The following C2 variants were observed in gnomAD, a reference collection of about 807,000 sequenced individuals.
The protein encoded by C2 is C3/C5 convertase.
In C2, 64 loss-of-function variants were observed where a neutral mutation model predicts 85.2. The observed-to-expected ratio is 0.75, with a 90% CI of 0.61 to 0.92. The LOEUF (loss-of-function observed/expected upper bound fraction) is 0.92, where lower values mean the gene tolerates loss of function less well. C2 is among the 40% of genes least tolerant of loss of function. The pLI, the probability that C2 is intolerant of heterozygous loss-of-function variation, is 0.00. For synonymous variants in C2, 311 were observed against 370.8 expected, an observed-to-expected ratio of 0.84 and a Z score of 1.85; for missense variants, 820 against 971.6, an observed-to-expected ratio of 0.84 and a Z score of 2.07.
At chr6:31,932,128 C>A (rs1257894265) in intron 3 of C2, among the ~76,000 whole-genome samples, 2 of 129,976 alleles carry the variant, frequency 1.5e-5, no homozygotes, top group Admixed American at 1.5e-4. Context: ...CTGACCCCCC[C>A]ACCTCCCTCC....
chr6:31,927,895 T>C lies in C2; in HGVS notation c.47-60T>C. The C allele has an allele frequency of 6.3e-7, 1 of 1,594,280 alleles. No individual in the cohort carries two copies. Among genetic ancestry groups the C allele is most frequent in the South Asian group, 1.1e-5 (1 of 90,724 alleles). ...TGTGAAACAGTCTCTTTTGCTTTCC[T>C]TTTCTCATCTGTGTCTTCCTTCTTT... On this transcript the variant is annotated intron_variant, in intron 1 of 17. Transcript: ENST00000299367. This position sits in a 1 kb window ranked among gnomAD's most constrained non-coding sequence, Gnocchi z 4.7.
chr6:31,939,201 TAGA>T (rs1562607118), intron 8 of C2, 27 bp from the exon 9 acceptor site: 2 of 1,498,714 alleles, frequency 1.3e-6, no homozygotes, highest in African/African-American at 1.4e-5. Flanking sequence ...TGATATTACC[TAGA>T]AGAATTCTTT....
At chr6:31,905,439 T>TA (rs5875339) in intron 1 of C2, among the ~76,000 whole-genome samples, 2 of 149,824 alleles carry the variant, frequency 1.3e-5, no homozygotes, top group South Asian at 2.1e-4. Context: ...CCCTGTCTTT[T>TA]AAAAAAAAAA....
intron 3 of C2, among the ~76,000 whole-genome samples, chr6:31,932,045 T>C: frequency 1.6e-5 from 2 of 124,490 alleles, no homozygotes; most frequent in South Asian, 2.7e-4. Context: ...GAGGGGCTCC[T>C]CACTTCCCAG....
chr6:31,909,907 G>A (rs1471145573), intron 1 of C2, among the ~76,000 whole-genome samples: 4 of 150,836 alleles, frequency 2.7e-5, no homozygotes, highest in African/African-American at 4.9e-5. Context: ...TTGAGACAGC[G>A]TCTCACTCTG....
At position 31,904,364 on chromosome 6, in the gene C2, A is replaced by T. The variant is rs1216719348; in HGVS notation, c.73+3225A>T. Among the ~76,000 whole-genome samples, 1 of 152,050 alleles carries T rather than the reference A, an allele frequency of 6.6e-6. No homozygotes were observed. Among genetic ancestry groups the T allele is most frequent in the Non-Finnish European group, 1.5e-5 (1 of 68,036 alleles). On this transcript the variant is annotated intron_variant, in intron 1 of 3. Coordinates refer to the C2 transcript ENST00000452202. This position sits in a 1 kb window ranked among gnomAD's most constrained non-coding sequence, Gnocchi z 4.4. The stretch of plus-strand genomic sequence containing the variant: ...GTTTTGCTCTTGTCACCCAGGCTGG[A>T]GTGCAATAGCACGATCTTGGCTCAC...
upstream of C2, among the ~76,000 whole-genome samples, chr6:31,926,335 C>T (rs1173336734): frequency 1.4e-5 from 2 of 143,884 alleles, no homozygotes; most frequent in African/African-American, 5.1e-5. Flanking sequence ...TTTGTGTACT[C>T]TTTTTTTTTT....
chr6:31,900,985 G>A, upstream of C2: 5 of 1,614,232 alleles, frequency 3.1e-6, no homozygotes, highest in Non-Finnish European at 4.2e-6. The surrounding 1 kb of genome is among the most constrained non-coding windows in gnomAD (Gnocchi z 9.7). Context: ...GCAGGTAGGA[G>A]GCGGCTGTAA....
Position 31,945,211 on chromosome 6 carries a change from T to C in C2, c.2113T>C (p.Cys705Arg). ...GLVSWGLYNP[C>R]LGSADKNSRK... The stretch of plus-strand genomic sequence containing the variant: ...GGTGAGCTGGGGTCTTTACAACCCC[T>C]GCCTTGGCTCTGCTGACAAAAACTC... The change falls in exon 18 of 18, where the codon TGC becomes CGC. Residue 705 changes from cysteine to arginine, a missense_variant. Physicochemically the swap from Cys to Arg is radical, Grantham distance 180. Transcript: ENST00000299367. The surrounding 1 kb of genome is among the most constrained non-coding windows in gnomAD (Gnocchi z 5.3). 1 of 1,612,954 alleles carries C rather than the reference T, an allele frequency of 6.2e-7. No homozygotes were observed. Among genetic ancestry groups the C allele is most frequent in the Non-Finnish European group, 8.5e-7 (1 of 1,180,000 alleles).
chr6:31,941,621 T>A (rs1770884002), intron 9 of C2: 1 of 151,970 alleles, frequency 6.6e-6, no homozygotes, highest in African/African-American at 2.4e-5. Context: ...CGTGCCTCAG[T>A]CTCCCAAGAA....
At chr6:31,919,424 C>T (rs573633776), upstream of C2, among the ~76,000 whole-genome samples, 3 of 152,242 alleles carry the variant, frequency 2.0e-5, no homozygotes, top group Non-Finnish European at 4.4e-5. Context: ...GGATTACAGG[C>T]GTGAGCCACT....
At position 31,921,480 on chromosome 6, in the gene C2, G is replaced by A. The variant is rs2151731006; in HGVS notation, c.-100+1454G>A. Among the ~76,000 whole-genome samples, 1 of 152,198 alleles carries A rather than the reference G, an allele frequency of 6.6e-6. No individual in the cohort carries two copies. The highest frequency in any genetic ancestry group is 2.4e-5 in the African/African-American group (1 of 41,508). ...CCTAGGGGAGAGAGGGCTTGGAAATGCAAGGGGCTGGGGTAGACTTCAGGG... is the reference window on the plus strand; with the variant it reads ...CCTAGGGGAGAGAGGGCTTGGAAATACAAGGGGCTGGGGTAGACTTCAGGG... On this transcript the variant is annotated intron_variant, in intron 1 of 3. Transcript: ENST00000413154. This position sits in a 1 kb window ranked among gnomAD's most constrained non-coding sequence, Gnocchi z 4.6.
intron 1 of C2, chr6:31,901,886 C>CT (rs1767327880): frequency 1.3e-5 from 2 of 149,294 alleles, no homozygotes; most frequent in Non-Finnish European, 3.0e-5. Flanking sequence ...TTCCCCACCC[C>CT]CCCCCGGGGC....
Position 31,945,324 on chromosome 6 carries a change from C to A in C2, c.2226C>A (p.His742Gln). ...LFRMQPWLRQ[H>Q]LGDVLNFLPL is the part of the protein sequence containing the mutation. ...GCATGCAGCCCTGGCTGAGGCAGCA[C>A]CTGGGGGATGTCCTGAATTTTTTAC... The change falls in exon 18 of 18, where the codon CAC becomes CAA. Residue 742 changes from histidine to glutamine, a missense_variant. Physicochemically the swap from His to Gln is conservative, Grantham distance 24. Transcript: ENST00000299367. This position sits in a 1 kb window ranked among gnomAD's most constrained non-coding sequence, Gnocchi z 5.3. The A allele has an allele frequency of 6.2e-7, 1 of 1,613,032 alleles. No homozygotes were observed. Among genetic ancestry groups the A allele is most frequent in the Non-Finnish European group, 8.5e-7 (1 of 1,180,024 alleles).
Position 31,945,540 on chromosome 6 carries a change from C to G in C2, c.*183C>G, listed in dbSNP as rs567255004. The G allele has an allele frequency of 1.1e-4, 68 of 642,950 alleles. No homozygotes were observed. Among genetic ancestry groups the G allele is most frequent in the Middle Eastern group, 8.2e-4 (2 of 2,444 alleles). The allele number at this position is 642,950 out of a possible 1,614,324, so 39.8% of individuals were successfully genotyped here. ...ATCCTCAGGGCTCCTACCAGCAGGA[C>G]TGCCTCGCTGCCCCACCTCCCGCTC... On this transcript the variant is annotated 3_prime_UTR_variant, in exon 18 of 18. Transcript: ENST00000299367. The surrounding 1 kb of genome is among the most constrained non-coding windows in gnomAD (Gnocchi z 5.3).
chr6:31,943,645 A>C lies in C2; in HGVS notation c.1569A>C (p.Gly523=). The change falls in exon 13 of 18, where the codon GGA becomes GGC. Residue 523 remains glycine, a splice_region_variant and synonymous_variant. Transcript: ENST00000299367. This position sits in a 1 kb window ranked among gnomAD's most constrained non-coding sequence, Gnocchi z 6.4. ...NDHSLWRVNV[G]DPKSQWGKEF... ...CCTAATCTAGTGTATCATTTCCAGG[A>C]GACCCCAAATCCCAGTGGGGCAAAG... 1 of 1,613,060 alleles carries C rather than the reference A, an allele frequency of 6.2e-7. No homozygotes were observed. The highest frequency in any genetic ancestry group is 8.5e-7 in the Non-Finnish European group (1 of 1,180,024).
In C2 at chr6:31,943,653, A is replaced by T. The variant is rs146054348; in HGVS notation, c.1577A>T (p.Lys526Ile). The change falls in exon 13 of 18, where the codon AAA (lysine) becomes ATA (isoleucine). Residue 526 changes from lysine to isoleucine, a missense_variant. Transcript: ENST00000299367. This position sits in a 1 kb window ranked among gnomAD's most constrained non-coding sequence, Gnocchi z 6.4. ...SLWRVNVGDP[K>I]SQWGKEFLIE... ...AGTGTATCATTTCCAGGAGACCCCA[A>T]ATCCCAGTGGGGCAAAGAATTCCTT... 6 of 1,613,054 alleles carry T rather than the reference A, an allele frequency of 3.7e-6. No homozygotes were observed. The highest frequency in any genetic ancestry group is 5.1e-6 in the Non-Finnish European group (6 of 1,180,034).
chr6:31,938,345 A>G (rs1305137607), intron 8 of C2, among the ~76,000 whole-genome samples: 1 of 151,524 alleles, frequency 6.6e-6, no homozygotes, highest in African/African-American at 2.4e-5. Flanking sequence ...GAGGATACCC[A>G]CTCTACCTGG....
intron 7 of C2, chr6:31,936,876 T>C (rs1770462686): frequency 9.7e-6 from 2 of 206,960 alleles, no homozygotes; most frequent in Non-Finnish European, 2.0e-5. Context: ...CACATCTCTA[T>C]CTGAATGGCA....
Sources: gnomAD v4.1 joint callset for allele counts (sites outside exome capture counted in the v4.1 genomes callset) on GRCh38, gnomAD v4.1.1 for gene constraint, Gnocchi (gnomAD v3.1) non-coding constraint, MANE v1.5 for transcripts, NCBI Gene and HGNC (gene_info 2026-07-23, HGNC 2026-07-21) for gene names.